Variants in WDR64 observed in about 807,000 individuals in gnomAD.
The protein encoded by WDR64 is WD repeat domain 64.
Under a neutral mutation model 139.3 loss-of-function variants are expected in WDR64, and 112 were observed. The ratio of observed to expected loss-of-function variants is 0.80; its 90% CI spans 0.69 to 0.94. The LOEUF (loss-of-function observed/expected upper bound fraction) is 0.94. WDR64 is among the 40% of genes least tolerant of loss of function. WDR64 has a pLI of 0.00. For synonymous variants in WDR64, 444 were observed against 437.7 expected, an observed-to-expected ratio of 1.01 and a Z score of -0.18; for missense variants, 1,206 against 1,293.1, an observed-to-expected ratio of 0.93 and a Z score of 1.03.
chr1:241,683,820 A>T, intron 7 of WDR64, 119 bp downstream of exon 7: 1 of 817,354 alleles, frequency 1.2e-6, no homozygotes, highest in South Asian at 2.2e-5. Context: ...ATTAAGACAA[A>T]ATTAAAGTAA....
At position 241,783,349 on chromosome 1, in the gene WDR64, G is replaced by A. The variant is rs755268054; in HGVS notation, c.2673G>A (p.Val891=). 6.2e-7 allele frequency: 1 copy of A among 1,614,006 alleles called. No homozygotes were observed. Residue 891 remains valine, a synonymous_variant, in exon 23 of 28, where the codon GTG becomes GTA. Coordinates refer to ENST00000437684, the MANE Select transcript of WDR64 (RefSeq NM_001367482.1). ...IQVIYVEEKQ[V]VLTASIDGSV... is the part of the protein sequence containing the mutation. The stretch of plus-strand genomic sequence containing the variant: ...TAATCTATGTAGAAGAAAAACAAGT[G>A]GTACTTACTGCCTCCATCGATGGCT...
intron 2 of WDR64, among the ~76,000 whole-genome samples, chr1:241,664,772 A>C (rs1490640439): frequency 6.6e-6 from 1 of 152,034 alleles, no homozygotes; most frequent in African/African-American, 2.4e-5. Context: ...ATTATGGAGG[A>C]TACATTATTG....
At chr1:241,793,282 G>A (rs1321600243) in intron 25 of WDR64, among the ~76,000 whole-genome samples, 1 of 152,192 alleles carries the variant, frequency 6.6e-6, no homozygotes, top group Non-Finnish European at 1.5e-5. Context: ...TATGTCTGAG[G>A]GTAGATGAGC....
At chr1:241,695,764 A>G (rs1179823145) in intron 8 of WDR64, among the ~76,000 whole-genome samples, 2 of 152,182 alleles carry the variant, frequency 1.3e-5, no homozygotes, top group African/African-American at 4.8e-5. Context: ...GAGTATCTTT[A>G]TACTGGTGCA....
chr1:241,783,514 G>T lies in WDR64; in HGVS notation c.2705+133G>T. 4.6e-6 allele frequency: 3 copies of T among 645,712 alleles called. No homozygotes were observed. In the South Asian group the frequency reaches 7.1e-5, roughly 15 times the overall value. The allele number at this position is 645,712 out of a possible 1,614,324, so 40.0% of individuals were successfully genotyped here. On this transcript the variant is annotated intron_variant, in intron 23 of 27. Transcript: ENST00000437684. ...GATTTAAATAAATAAGTAAATAGAT[G>T]ACACAAAAGGACTTTGAAAAGATGG...
At chr1:241,665,951 G>C (rs1666010024) in intron 2 of WDR64, among the ~76,000 whole-genome samples, 1 of 152,092 alleles carries the variant, frequency 6.6e-6, no homozygotes, top group Admixed American at 6.6e-5. Flanking sequence ...AATGTTAAAA[G>C]AATGTTCCAG....
At chr1:241,766,425 G>A in intron 16 of WDR64, 74 bp downstream of exon 16, 1 of 1,515,636 alleles carries the variant, frequency 6.6e-7, no homozygotes, top group Non-Finnish European at 8.9e-7. Flanking sequence ...AACACTCAGG[G>A]AAGGGCTGGG....
chr1:241,792,779 A>T (rs560719739), intron 25 of WDR64, among the ~76,000 whole-genome samples: 38 of 152,224 alleles, frequency 2.5e-4, no homozygotes, highest in Non-Finnish European at 5.1e-4. Flanking sequence ...CACAATCAGA[A>T]CACTAATCTG....
At chr1:241,756,553 G>A (rs1237985800) in intron 14 of WDR64, among the ~76,000 whole-genome samples, 2 of 151,996 alleles carry the variant, frequency 1.3e-5, no homozygotes, top group African/African-American at 2.4e-5. Flanking sequence ...AAAAATTAAA[G>A]GGTCCCATTT....
intron 27 of WDR64, 121 bp downstream of exon 27, chr1:241,796,491 A>AT: frequency 3.0e-6 from 2 of 659,774 alleles, no homozygotes; most frequent in Non-Finnish European, 4.7e-6. Context: ...TTCAGTTCAT[A>AT]CTTTTTTTTT....
At chr1:241,667,890 AG>A (rs766943130) in intron 2 of WDR64, among the ~76,000 whole-genome samples, 2 of 152,260 alleles carry the variant, frequency 1.3e-5, no homozygotes, top group Non-Finnish European at 2.9e-5. Context: ...AATTTGTTTC[AG>A]CAGCAATAGA....
At chr1:241,732,245 C>A (rs1669109974) in intron 10 of WDR64, among the ~76,000 whole-genome samples, 1 of 152,140 alleles carries the variant, frequency 6.6e-6, no homozygotes, top group Non-Finnish European at 1.5e-5. Context: ...TCTACTGGTA[C>A]AATTTTCATT....
chr1:241,745,310 A>T (rs1157504928), intron 13 of WDR64, among the ~76,000 whole-genome samples: 1 of 151,990 alleles, frequency 6.6e-6, no homozygotes, highest in Non-Finnish European at 1.5e-5. Context: ...CGTGAAATAA[A>T]ATCATGAATG....
chr1:241,687,664 A>G (rs1162958262), intron 8 of WDR64, 69 bp downstream of exon 8: 1 of 1,457,422 alleles, frequency 6.9e-7, no homozygotes, highest in Non-Finnish European at 9.3e-7. Flanking sequence ...TAAAACCATG[A>G]CAGCTTTGAA....
chr1:241,794,165 G>C (rs1659289397), intron 25 of WDR64, among the ~76,000 whole-genome samples: 1 of 142,500 alleles, frequency 7.0e-6, no homozygotes, highest in Non-Finnish European at 1.5e-5. Context: ...TGGGCAACAA[G>C]AGCAAAACTC....
intron 9 of WDR64, among the ~76,000 whole-genome samples, chr1:241,715,119 T>C (rs1301852008): frequency 6.6e-6 from 1 of 152,150 alleles, no homozygotes; most frequent in East Asian, 1.9e-4. Context: ...GGCATATGGA[T>C]AAGAAGTCTG....
At chr1:241,733,182 A>C (rs1669159555) in intron 10 of WDR64, among the ~76,000 whole-genome samples, 1 of 152,124 alleles carries the variant, frequency 6.6e-6, no homozygotes, top group Non-Finnish European at 1.5e-5. Context: ...ATTTATCTGA[A>C]AATCATTATT....
At chr1:241,776,948 T>C (rs1252926553) in intron 21 of WDR64, among the ~76,000 whole-genome samples, 3 of 152,172 alleles carry the variant, frequency 2.0e-5, no homozygotes, top group Non-Finnish European at 4.4e-5. Context: ...TCATCTACAT[T>C]ATAACTAAAG....
rs781006946 is a variant in WDR64 at position 241,749,603 on chromosome 1, G to T, written c.1651G>T (p.Gly551Trp). ...SGQEMKVLPE[G>W]KDWKEDEHCL... ...GCAGGAGATGAAGGTGTTGCCGGAG[G>T]GGAAAGACTGGAAGGAGGACGAGCA... The change falls in exon 14 of 28, where the codon GGG (glycine) becomes TGG (tryptophan). Residue 551 changes from glycine (G) to tryptophan (W), a missense_variant. Transcript: ENST00000437684. 1 of 1,614,046 alleles carries T rather than the reference G, an allele frequency of 6.2e-7. No individual in the cohort carries two copies. Among genetic ancestry groups the T allele is most frequent in the Admixed American group, 1.7e-5 (1 of 60,018 alleles).
Sources: gnomAD v4.1 joint callset for allele counts (sites outside exome capture counted in the v4.1 genomes callset) on GRCh38, gnomAD v4.1.1 for gene constraint, MANE v1.5 for transcripts, NCBI Gene and HGNC (gene_info 2026-07-23, HGNC 2026-07-21) for gene names.